HS6ST3: variants seen among roughly 807,000 people sequenced by gnomAD.
HS6ST3 encodes heparan sulfate 6-O-sulfotransferase 3.
A neutral mutation model predicts 36.7 loss-of-function variants in HS6ST3; 12 were observed. That is an observed-to-expected ratio of 0.33 (90% CI 0.21 to 0.53). HS6ST3 has a LOEUF of 0.53. HS6ST3 is among the 20% of genes least tolerant of loss of function. The pLI is 0.95. For missense variants in HS6ST3, 584 were observed against 640.9 expected (o/e 0.91, Z 0.96); for synonymous variants, 240 against 257.5 (o/e 0.93, Z 0.65).
At chr13:96,480,890 GA>G (rs1386944213) in intron 1 of HS6ST3, among the ~76,000 whole-genome samples, 3 of 152,196 alleles carry the variant, frequency 2.0e-5, no homozygotes, top group Admixed American at 6.5e-5. Flanking sequence ...AGCTACTGAA[GA>G]AATGTTTACA....
chr13:96,466,388 C>T (rs1229982463), intron 1 of HS6ST3, among the ~76,000 whole-genome samples: 1 of 152,214 alleles, frequency 6.6e-6, no homozygotes, highest in Non-Finnish European at 1.5e-5. Context: ...ACTTATTCAT[C>T]TTGCATCACT....
intron 1 of HS6ST3, among the ~76,000 whole-genome samples, chr13:96,397,916 TA>T (rs2139455726): frequency 6.6e-6 from 1 of 152,338 alleles, no homozygotes; most frequent in Admixed American, 6.5e-5. Flanking sequence ...GGCTTAAGAC[TA>T]TAATGATTTG....
intron 1 of HS6ST3, among the ~76,000 whole-genome samples, chr13:96,739,443 T>C (rs1298057498): frequency 6.6e-6 from 1 of 152,092 alleles, no homozygotes; most frequent in Non-Finnish European, 1.5e-5. Context: ...CTCCCAATCT[T>C]AGGATATCAG....
intron 1 of HS6ST3, among the ~76,000 whole-genome samples, chr13:96,732,791 G>C (rs1210112212): frequency 6.6e-6 from 1 of 151,890 alleles, no homozygotes; most frequent in Non-Finnish European, 1.5e-5. Context: ...CCATGAGCAT[G>C]GGATATCTTT....
intron 1 of HS6ST3, among the ~76,000 whole-genome samples, chr13:96,335,729 T>A (rs961592559): frequency 3.9e-5 from 6 of 152,152 alleles, no homozygotes; most frequent in African/African-American, 1.4e-4. Context: ...TCCTCCTCTT[T>A]AGAGTTGATT....
intron 1 of HS6ST3, among the ~76,000 whole-genome samples, chr13:96,644,374 A>G (rs903991677): frequency 6.6e-6 from 1 of 152,088 alleles, no homozygotes; most frequent in African/African-American, 2.4e-5. Flanking sequence ...GAATCAAAAC[A>G]TATTCCTATT....
intron 1 of HS6ST3, among the ~76,000 whole-genome samples, chr13:96,536,457 C>G (rs1159591833): frequency 2.0e-5 from 3 of 152,242 alleles, no homozygotes; most frequent in Non-Finnish European, 4.4e-5. Flanking sequence ...TGCTCTCCCT[C>G]TGTGTGCATA....
intron 1 of HS6ST3, among the ~76,000 whole-genome samples, chr13:96,784,236 T>G (rs1354277507): frequency 6.6e-6 from 1 of 152,192 alleles, no homozygotes; most frequent in African/African-American, 2.4e-5. Flanking sequence ...AATGACCTAC[T>G]TGACTGACCT....
chr13:96,656,890 C>A (rs949316899), intron 1 of HS6ST3, among the ~76,000 whole-genome samples: 1 of 151,626 alleles, frequency 6.6e-6, no homozygotes, highest in African/African-American at 2.4e-5. Flanking sequence ...GAATGTGTCA[C>A]GGCCAGATGC....
chr13:96,459,125 A>AG (rs2055769555), intron 1 of HS6ST3, among the ~76,000 whole-genome samples: 2 of 138,454 alleles, frequency 1.4e-5, no homozygotes, highest in Non-Finnish European at 3.2e-5. Flanking sequence ...AAAAAAAAAA[A>AG]GAGGTGACAT....
At chr13:96,363,511 A>G (rs2055249225) in intron 1 of HS6ST3, among the ~76,000 whole-genome samples, 2 of 152,132 alleles carry the variant, frequency 1.3e-5, no homozygotes, top group Admixed American at 1.3e-4. Context: ...AAAAAACACT[A>G]ATTTCCCAGT....
At chr13:96,746,204 TA>T (rs1471849122) in intron 1 of HS6ST3, among the ~76,000 whole-genome samples, 2 of 152,208 alleles carry the variant, frequency 1.3e-5, no homozygotes, top group East Asian at 3.9e-4. Context: ...ACCTTCTTAA[TA>T]ACCTTTAACA....
intron 1 of HS6ST3, among the ~76,000 whole-genome samples, chr13:96,127,700 T>C (rs2139309749): frequency 6.6e-6 from 1 of 152,334 alleles, no homozygotes; most frequent in East Asian, 1.9e-4. Context: ...CCAATGCCCT[T>C]CAAATGCTGG....
chr13:96,439,390 C>A (rs79889140), intron 1 of HS6ST3, among the ~76,000 whole-genome samples: 3,430 of 152,280 alleles, frequency 0.023, 134 homozygotes, highest in African/African-American at 0.079. Context: ...CCGTTTGTCA[C>A]GTAGAAATAA....
intron 1 of HS6ST3, among the ~76,000 whole-genome samples, chr13:96,822,414 G>C (rs1249616839): frequency 6.6e-6 from 1 of 152,180 alleles, no homozygotes; most frequent in African/African-American, 2.4e-5. Flanking sequence ...TACTCAGCAA[G>C]ATAGCAAAAA....
At chr13:96,341,571 G>T in intron 1 of HS6ST3, among the ~76,000 whole-genome samples, 1 of 152,090 alleles carries the variant, frequency 6.6e-6, no homozygotes, top group East Asian at 1.9e-4. Flanking sequence ...CTACAGTAAT[G>T]TGCCCACAGG....
chr13:96,558,424 C>G (rs976014771), intron 1 of HS6ST3, among the ~76,000 whole-genome samples: 3 of 152,178 alleles, frequency 2.0e-5, no homozygotes, highest in African/African-American at 7.2e-5. Flanking sequence ...GATTTACTAA[C>G]TTGCCCTAAG....
At chr13:96,505,871 G>A (rs1175297324) in intron 1 of HS6ST3, among the ~76,000 whole-genome samples, 1 of 152,116 alleles carries the variant, frequency 6.6e-6, no homozygotes, top group Non-Finnish European at 1.5e-5. Context: ...GACTTTTGCT[G>A]TACCAGTGCT....
At chr13:96,257,510 T>C (rs1026376276) in intron 1 of HS6ST3, among the ~76,000 whole-genome samples, 8 of 152,318 alleles carry the variant, frequency 5.3e-5, no homozygotes, top group South Asian at 2.1e-4. Flanking sequence ...TACCCACTTA[T>C]CAATTTTGGG....
Sources: gnomAD v4.1 joint callset for allele counts (sites outside exome capture counted in the v4.1 genomes callset) on GRCh38, gnomAD v4.1.1 for gene constraint, MANE v1.5 for transcripts, NCBI Gene and HGNC (gene_info 2026-07-23, HGNC 2026-07-21) for gene names.